Variants in MAGI1 observed in about 807,000 individuals in gnomAD.
MAGI1 encodes the protein membrane associated guanylate kinase, WW and PDZ domain containing 1.
Under a neutral mutation model 139.9 loss-of-function variants are expected in MAGI1, and 58 were observed. The ratio of observed to expected loss-of-function variants is 0.41; its 90% CI spans 0.34 to 0.52. The LOEUF (loss-of-function observed/expected upper bound fraction) is 0.52. Among genes scored for constraint, MAGI1 ranks in the 20% least tolerant of loss-of-function variants. The probability of loss-of-function intolerance (pLI) is 0.12; values close to 1 mark genes in which losing one functional copy is unlikely to be tolerated. For synonymous variants in MAGI1, 812 were observed against 737.9 expected (o/e 1.10, Z -1.63); for missense variants, 1,874 against 1,901.6 (o/e 0.99, Z 0.27).
chr3:65,951,223 C>G (rs980678740), intron 1 of MAGI1, among the ~76,000 whole-genome samples: 1 of 152,220 alleles, frequency 6.6e-6, no homozygotes, highest in South Asian at 2.1e-4. Flanking sequence ...GGCTCTGGAG[C>G]TGCATGGTCC....
At chr3:65,710,745 A>G (rs2031279122) in intron 1 of MAGI1, among the ~76,000 whole-genome samples, 1 of 152,202 alleles carries the variant, frequency 6.6e-6, no homozygotes. Context: ...AGGTCACACA[A>G]CAAATCAAGG....
intron 1 of MAGI1, among the ~76,000 whole-genome samples, chr3:65,685,665 T>C (rs754188393): frequency 1.3e-5 from 2 of 152,200 alleles, no homozygotes; most frequent in African/African-American, 4.8e-5. Context: ...TCACCCTACA[T>C]ATTGCTATTT....
At position 65,662,660 on chromosome 3, in the gene MAGI1, TCAAA is replaced by T. The variant is rs758951023; in HGVS notation, c.314-40576_314-40573del. On this transcript the variant is annotated intron_variant, in intron 1 of 22. Transcript: ENST00000402939. Reference sequence around the variant, plus strand: ...TGCATATAAGTACTGATTATTATAGTCAAACAAATTAACATAGCCATCATCTCAC... The same window carrying T: ...TGCATATAAGTACTGATTATTATAGTCAAATTAACATAGCCATCATCTCAC... Among the ~76,000 whole-genome samples, 7 of 152,340 alleles carry T rather than the reference TCAAA, an allele frequency of 4.6e-5. 1 individual carries two copies. The East Asian group carries it at 7.7e-4, about 17-fold the overall frequency.
intron 1 of MAGI1, among the ~76,000 whole-genome samples, chr3:65,882,703 C>T (rs947506455): frequency 1.3e-5 from 2 of 152,062 alleles, no homozygotes; most frequent in South Asian, 2.1e-4. Context: ...GAAGCTGAGG[C>T]AGGCAGATGG....
chr3:65,403,138 G>C (rs960156326), intron 12 of MAGI1, among the ~76,000 whole-genome samples: 2 of 152,080 alleles, frequency 1.3e-5, no homozygotes, highest in African/African-American at 4.8e-5. Flanking sequence ...TTTATAAAGG[G>C]AAAATAGTAA....
chr3:65,835,550 T>C (rs1259820314), intron 1 of MAGI1, among the ~76,000 whole-genome samples: 2 of 152,142 alleles, frequency 1.3e-5, no homozygotes, highest in Non-Finnish European at 2.9e-5. Context: ...CTTTAACAAA[T>C]AGAACTCATG....
intron 1 of MAGI1, among the ~76,000 whole-genome samples, chr3:65,833,785 A>T (rs891480363): frequency 5.9e-5 from 9 of 152,232 alleles, no homozygotes; most frequent in African/African-American, 2.2e-4. Context: ...CTGAGCTCCC[A>T]GAAAAGTTTC....
chr3:65,974,266 A>G (rs1464392523), intron 1 of MAGI1, among the ~76,000 whole-genome samples: 1 of 150,270 alleles, frequency 6.7e-6, no homozygotes, highest in East Asian at 2.0e-4. Context: ...GCCCTCAAAC[A>G]TTTGTTGAAA....
chr3:65,837,421 C>A (rs1260286347), intron 1 of MAGI1, among the ~76,000 whole-genome samples: 1 of 152,168 alleles, frequency 6.6e-6, no homozygotes, highest in Non-Finnish European at 1.5e-5. Flanking sequence ...AGGAGAGTTC[C>A]TGGAATTCTT....
intron 1 of MAGI1, among the ~76,000 whole-genome samples, chr3:65,722,769 G>A (rs1262201209): frequency 6.7e-6 from 1 of 150,038 alleles, no homozygotes; most frequent in East Asian, 1.9e-4. Flanking sequence ...AACAACGTTA[G>A]CAGAAGTTTC....
chr3:65,572,012 G>C (rs1247763738), intron 2 of MAGI1, among the ~76,000 whole-genome samples: 1 of 151,780 alleles, frequency 6.6e-6, no homozygotes, highest in Non-Finnish European at 1.5e-5. Context: ...GCACAAATTA[G>C]AAAAAAGTAT....
intron 1 of MAGI1, among the ~76,000 whole-genome samples, chr3:65,752,036 A>T (rs2036196772): frequency 6.6e-6 from 1 of 152,142 alleles, no homozygotes. Flanking sequence ...TTGACTTCCC[A>T]GGCTCAAGCC....
intron 1 of MAGI1, among the ~76,000 whole-genome samples, chr3:65,694,140 T>G (rs1394269044): frequency 1.3e-5 from 2 of 152,092 alleles, no homozygotes; most frequent in South Asian, 2.1e-4. Context: ...GCCAGATAAC[T>G]AACCAAACAA....
rs1397519844 is a variant in MAGI1, at chr3:65,937,684, T to A, written c.313+100312A>T. Reference sequence around the variant, plus strand: ...TAAGCCACTTCTTTTATTTTGTGGGTTTTTTGGGGTTTTTTTAGTTACAAC... The same window carrying A: ...TAAGCCACTTCTTTTATTTTGTGGGATTTTTGGGGTTTTTTTAGTTACAAC... On this transcript the variant is annotated intron_variant, in intron 1 of 22. Coordinates refer to ENST00000402939, the MANE Select transcript of MAGI1 (RefSeq NM_001033057.2). 7.2e-5 allele frequency among the ~76,000 whole-genome samples: 11 copies of A among 152,024 alleles called. No homozygotes were observed. In the South Asian group the frequency reaches 1.0e-3, roughly 14 times the overall value.
Position 65,427,303 on chromosome 3 carries a change from C to A in MAGI1, c.2167+2217G>T, listed in dbSNP as rs567209591. Among the ~76,000 whole-genome samples the A allele has an allele frequency of 1.2e-4, 18 of 152,140 alleles. No individual in the cohort carries two copies. In the South Asian group the frequency reaches 3.5e-3, roughly 30 times the overall value. On this transcript the variant is annotated intron_variant, in intron 12 of 22. Transcript: ENST00000402939. ...CTCCAGCCTGGGTGACAAAGTGAGA[C>A]CCTGTCTCAAAAATAAAAATAAAAA...
At chr3:65,634,745 C>G (rs1289264168) in intron 1 of MAGI1, among the ~76,000 whole-genome samples, 1 of 152,164 alleles carries the variant, frequency 6.6e-6, no homozygotes, top group East Asian at 1.9e-4. Context: ...ATAAGAACAA[C>G]AGAGACGTTT....
chr3:65,958,408 T>C (rs1335554452), intron 1 of MAGI1, among the ~76,000 whole-genome samples: 1 of 152,222 alleles, frequency 6.6e-6, no homozygotes, highest in African/African-American at 2.4e-5. Flanking sequence ...CAAAAAGGTA[T>C]GCATGCAATC....
At chr3:65,396,474 C>T (rs999736776) in intron 13 of MAGI1, among the ~76,000 whole-genome samples, 2 of 152,058 alleles carry the variant, frequency 1.3e-5, no homozygotes, top group African/African-American at 4.8e-5. Flanking sequence ...ATTGGGAAGA[C>T]ATAATGGTTT....
rs10677900 is a variant in MAGI1 at position 65,440,895 on chromosome 3, C to CATATATATGGTACAT, written c.1137-884_1137-883insATGTACCATATATAT. On this transcript the variant is annotated intron_variant, in intron 8 of 22. Coordinates refer to ENST00000402939, the MANE Select transcript of MAGI1 (RefSeq NM_001033057.2). ...CACATATATGTACATATATATGGTA[C>CATATATATGGTACAT]ATATGTGTGTATATATATATACACA... Among the ~76,000 whole-genome samples the CATATATATGGTACAT allele has an allele frequency of 2.9e-3, 434 of 148,526 alleles. 2 individuals carry two copies. The highest frequency in any genetic ancestry group is 0.01 in the African/African-American group (417 of 39,986).
Sources: allele counts gnomAD v4.1 joint callset (sites outside exome capture counted in the v4.1 genomes callset), GRCh38; gene constraint gnomAD v4.1.1; transcripts MANE v1.5; gene names NCBI Gene and HGNC (gene_info 2026-07-23, HGNC 2026-07-21).